The following TNKS variants were observed in gnomAD, a reference collection of about 807,000 sequenced individuals.
The protein encoded by TNKS is poly [ADP-ribose] polymerase tankyrase-1.
In TNKS, 72 loss-of-function variants were observed where a neutral mutation model predicts 135.8. That is an observed-to-expected ratio of 0.53 (90% CI 0.44 to 0.64). The LOEUF is 0.64. Ranked by LOEUF, TNKS falls within the 30% of genes least tolerant of loss-of-function variation. TNKS has a pLI of 0.00. For synonymous variants in TNKS, 849 were observed against 649.3 expected, an observed-to-expected ratio of 1.31 and a Z score of -4.68; for missense variants, 1,769 against 1,674.0, an observed-to-expected ratio of 1.06 and a Z score of -0.99.
At chr8:9,602,310 G>C (rs563410473) in intron 2 of TNKS, among the ~76,000 whole-genome samples, 2 of 152,292 alleles carry the variant, frequency 1.3e-5, no homozygotes, top group African/African-American at 4.8e-5. Context: ...CATGGTCTAC[G>C]TATCGCAGGA....
In TNKS at chr8:9,780,726, A is replaced by G. The variant is rs1181976797; in HGVS notation, c.*3990A>G. ...GTAGTCCCATTTCTTAGTGTTTGAAAGGTGTGTCAGTGAGTCGGCCATGTC... is the reference window on the plus strand; with the variant it reads ...GTAGTCCCATTTCTTAGTGTTTGAAGGGTGTGTCAGTGAGTCGGCCATGTC... On this transcript the variant is annotated 3_prime_UTR_variant, in exon 27 of 27. Transcript: ENST00000310430. 6.6e-6 allele frequency: 1 copy of G among 152,182 alleles called. No individual in the cohort carries two copies. The highest frequency in any genetic ancestry group is 2.4e-5 in the African/African-American group (1 of 41,448). 9.4% of individuals were successfully genotyped at this position (152,182 alleles called of 1,614,324 possible).
chr8:9,672,654 T>TAAA (rs746763150), intron 3 of TNKS, among the ~76,000 whole-genome samples: 6 of 42,826 alleles, frequency 1.4e-4, no homozygotes, highest in East Asian at 6.4e-4. Flanking sequence ...ACTGTGATGG[T>TAAA]AAAAAAAAAA....
rs34566493 is a variant in TNKS, at chr8:9,733,521, A to G, written c.2313+77A>G. 9.2e-5 allele frequency: 115 copies of G among 1,254,350 alleles called. 2 individuals are homozygous for G. The South Asian group carries it at 1.4e-3, about 16-fold the overall frequency. The allele number at this position is 1,254,350 out of a possible 1,614,324, so 77.7% of individuals were successfully genotyped here. ...TTATTACTTGAAAGTAAGTTGGGGT[A>G]TGTTATTCTATTAAGAACAATACTG... On this transcript the variant is annotated intron_variant, in intron 15 of 26. Transcript: ENST00000310430.
intron 1 of TNKS, among the ~76,000 whole-genome samples, chr8:9,566,746 C>T (rs1206524982): frequency 6.6e-6 from 1 of 151,360 alleles, no homozygotes; most frequent in Admixed American, 6.6e-5. Context: ...GTAGCTGGGA[C>T]TACAGGCGCC....
At chr8:9,598,719 G>C (rs1798887386) in intron 2 of TNKS, among the ~76,000 whole-genome samples, 1 of 132,260 alleles carries the variant, frequency 7.6e-6, no homozygotes, top group South Asian at 2.5e-4. Flanking sequence ...GTGTGTGTGT[G>C]TGTGTGTGTG....
intron 17 of TNKS, among the ~76,000 whole-genome samples, chr8:9,742,908 G>T (rs1197295515): frequency 6.6e-6 from 1 of 151,634 alleles, no homozygotes; most frequent in African/African-American, 2.4e-5. Flanking sequence ...AAGCTACTTT[G>T]TCTCCCCTTA....
chr8:9,690,724 T>C (rs762576642), intron 5 of TNKS, among the ~76,000 whole-genome samples: 3 of 152,072 alleles, frequency 2.0e-5, no homozygotes, highest in Non-Finnish European at 4.4e-5. Flanking sequence ...ATAAATAATG[T>C]TTACTATTTG....
chr8:9,645,907 A>G (rs1800901312), intron 3 of TNKS, among the ~76,000 whole-genome samples: 1 of 152,114 alleles, frequency 6.6e-6, no homozygotes, highest in Non-Finnish European at 1.5e-5. Context: ...TTAAATTCAC[A>G]TTGTTTCTCT....
intron 3 of TNKS, among the ~76,000 whole-genome samples, chr8:9,657,728 G>A (rs1355306244): frequency 7.8e-6 from 1 of 127,944 alleles, no homozygotes; most frequent in Non-Finnish European, 1.7e-5. Context: ...AGGGGCGGCC[G>A]GGCAGAGGCG....
intron 1 of TNKS, chr8:9,575,409 C>G (rs1797909927): frequency 1.0e-6 from 1 of 985,342 alleles, no homozygotes; most frequent in Non-Finnish European, 1.2e-6. Flanking sequence ...GGTGGGTCAA[C>G]TCTACCCTAC....
At chr8:9,601,683 A>G (rs1799021801) in intron 2 of TNKS, among the ~76,000 whole-genome samples, 2 of 152,182 alleles carry the variant, frequency 1.3e-5, no homozygotes, top group South Asian at 4.1e-4. Context: ...TAGCTGAAGT[A>G]GTTTTTTATC....
At chr8:9,735,295 A>C in intron 16 of TNKS, 82 bp from the exon 17 acceptor site, 1 of 1,331,440 alleles carries the variant, frequency 7.5e-7, no homozygotes, top group Non-Finnish European at 1.1e-6. Context: ...AAACCTTAAC[A>C]TTTTCTGGTC....
intron 18 of TNKS, among the ~76,000 whole-genome samples, chr8:9,750,631 C>T (rs772447745): frequency 2.6e-5 from 4 of 152,194 alleles, no homozygotes; most frequent in Admixed American, 6.5e-5. Context: ...CCACCCTTCA[C>T]GCCTCCAACC....
intron 3 of TNKS, among the ~76,000 whole-genome samples, chr8:9,641,193 AG>A (rs1800716056): frequency 6.9e-6 from 1 of 145,758 alleles, no homozygotes; most frequent in Non-Finnish European, 1.5e-5. Flanking sequence ...GTTTCCTTAA[AG>A]ATATTTCTTA....
intron 23 of TNKS, among the ~76,000 whole-genome samples, chr8:9,765,456 G>A (rs957824361): frequency 2.0e-5 from 3 of 151,712 alleles, no homozygotes; most frequent in Non-Finnish European, 4.4e-5. Flanking sequence ...TAATCCTGAG[G>A]TGATTTAGAG....
intron 17 of TNKS, among the ~76,000 whole-genome samples, chr8:9,746,719 T>C (rs1806254034): frequency 6.6e-6 from 1 of 152,080 alleles, no homozygotes; most frequent in South Asian, 2.1e-4. Flanking sequence ...AAATGCTGGT[T>C]GGTAGGTGAG....
intron 3 of TNKS, among the ~76,000 whole-genome samples, chr8:9,646,202 C>CT (rs1563139377): frequency 6.6e-6 from 1 of 151,782 alleles, no homozygotes. Context: ...CTTGAGATTT[C>CT]TTTTTTTATA....
chr8:9,588,260 G>A (rs1441001606), intron 2 of TNKS, among the ~76,000 whole-genome samples: 2 of 151,984 alleles, frequency 1.3e-5, no homozygotes, highest in Admixed American at 6.6e-5. Flanking sequence ...TGAAAGACAT[G>A]TAACTTGACA....
chr8:9,577,592 TG>T (rs1221003056), intron 1 of TNKS, among the ~76,000 whole-genome samples: 5 of 152,206 alleles, frequency 3.3e-5, no homozygotes, highest in African/African-American at 1.2e-4. Flanking sequence ...CCAGATCTTG[TG>T]AGAACTCACT....
Sources: allele counts gnomAD v4.1 joint callset (sites outside exome capture counted in the v4.1 genomes callset), GRCh38; gene constraint gnomAD v4.1.1; transcripts MANE v1.5; gene names NCBI Gene and HGNC (gene_info 2026-07-23, HGNC 2026-07-21).